The following SLC38A12 variants were observed in gnomAD, a reference collection of about 807,000 sequenced individuals.
SLC38A12 encodes the protein putative sodium-coupled neutral amino acid transporter 12.
chr17:74,812,492 C>G, the SLC38A12 span, among the ~76,000 whole-genome samples: 3 of 152,222 alleles, frequency 2.0e-5, no homozygotes, highest in African/African-American at 7.2e-5. Flanking sequence ...AAGTTCACTT[C>G]CCATTTAGGG....
chr17:74,797,278 T>C, the SLC38A12 span, among the ~76,000 whole-genome samples: 1 of 152,202 alleles, frequency 6.6e-6, no homozygotes, highest in Admixed American at 6.5e-5. Flanking sequence ...TCAATAACTC[T>C]CTGACCGAAC....
At chr17:74,781,401 C>T in the SLC38A12 span, among the ~76,000 whole-genome samples, 1 of 152,090 alleles carries the variant, frequency 6.6e-6, no homozygotes, top group Non-Finnish European at 1.5e-5. Flanking sequence ...TTTCCCATCT[C>T]AGTCTTCCAA....
At chr17:74,814,867 C>G in the SLC38A12 span, among the ~76,000 whole-genome samples, 20 of 152,192 alleles carry the variant, frequency 1.3e-4, no homozygotes, top group African/African-American at 4.8e-4. Flanking sequence ...AAAATCAACC[C>G]AAGAGAAAGC....
chr17:74,800,319 C>A, the SLC38A12 span, among the ~76,000 whole-genome samples: 1 of 152,236 alleles, frequency 6.6e-6, no homozygotes, highest in African/African-American at 2.4e-5. Flanking sequence ...GTCTGCCCAT[C>A]ATTGTCACCG....
the SLC38A12 span, chr17:74,838,817 G>A: frequency 6.6e-7 from 1 of 1,516,652 alleles, no homozygotes; most frequent in Non-Finnish European, 8.8e-7. Flanking sequence ...CGTGCATCCG[G>A]CACGTTTCAC....
the SLC38A12 span, among the ~76,000 whole-genome samples, chr17:74,812,196 C>A: frequency 4.6e-5 from 7 of 151,402 alleles, no homozygotes; most frequent in Non-Finnish European, 1.0e-4. Flanking sequence ...TGTTGAGTGT[C>A]TTCTGTGCAC....
the SLC38A12 span, among the ~76,000 whole-genome samples, chr17:74,825,738 C>T: frequency 6.6e-6 from 1 of 152,358 alleles, no homozygotes; most frequent in Non-Finnish European, 1.5e-5. Context: ...AGTCCCAGAT[C>T]ACTCGTGGTT....
chr17:74,836,935 A>G, the SLC38A12 span: 9 of 1,339,408 alleles, frequency 6.7e-6, no homozygotes, highest in Non-Finnish European at 8.6e-6. This position sits in a 1 kb window ranked among gnomAD's most constrained non-coding sequence, Gnocchi z 4.2. Flanking sequence ...GCTGCTCCCA[A>G]GTTCTAAGAC....
the SLC38A12 span, among the ~76,000 whole-genome samples, chr17:74,811,733 G>C: frequency 2.0e-5 from 3 of 150,958 alleles, no homozygotes; most frequent in African/African-American, 7.3e-5. Context: ...AAAGAAAAAA[G>C]AAAAGAATAG....
chr17:74,789,936 C>T, the SLC38A12 span, among the ~76,000 whole-genome samples: 1 of 138,770 alleles, frequency 7.2e-6, no homozygotes, highest in South Asian at 2.4e-4. Flanking sequence ...TCCTTTCTCT[C>T]TTTCTTTTTT....
chr17:74,832,042 C>A, the SLC38A12 span, among the ~76,000 whole-genome samples: 1 of 151,900 alleles, frequency 6.6e-6, no homozygotes, highest in African/African-American at 2.4e-5. Context: ...CTTTGCTCCT[C>A]CCGCAGCCAG....
At chr17:74,816,077 AT>A in the SLC38A12 span, among the ~76,000 whole-genome samples, 1 of 152,110 alleles carries the variant, frequency 6.6e-6, no homozygotes, top group Non-Finnish European at 1.5e-5. Context: ...TGGGCTTGAG[AT>A]TAGGCACTCT....
chr17:74,777,266 G>A, the SLC38A12 span: 1 of 1,595,806 alleles, frequency 6.3e-7, no homozygotes, highest in Non-Finnish European at 8.6e-7. Context: ...GTTTTAAGGA[G>A]CTGCGGCAGC....
chr17:74,803,724 C>G, the SLC38A12 span, among the ~76,000 whole-genome samples: 1 of 152,162 alleles, frequency 6.6e-6, no homozygotes, highest in South Asian at 2.1e-4. Flanking sequence ...TCATTCCCCT[C>G]GAGAAGCTGA....
the SLC38A12 span, chr17:74,835,979 G>C: frequency 6.2e-7 from 1 of 1,612,058 alleles, no homozygotes; most frequent in East Asian, 2.2e-5. Flanking sequence ...ACGGACAAGG[G>C]GAGGGGCACC....
At chr17:74,808,099 G>T in the SLC38A12 span, among the ~76,000 whole-genome samples, 4 of 152,246 alleles carry the variant, frequency 2.6e-5, no homozygotes, top group African/African-American at 9.6e-5. Flanking sequence ...GCCCACCATC[G>T]GGTACCATCT....
the SLC38A12 span, chr17:74,777,321 A>G: frequency 1.9e-6 from 3 of 1,614,110 alleles, no homozygotes; most frequent in East Asian, 4.5e-5. Flanking sequence ...GCCCTTCCTC[A>G]CTTTTGGAAA....
chr17:74,835,285 A>G, the SLC38A12 span, among the ~76,000 whole-genome samples: 20 of 152,042 alleles, frequency 1.3e-4, no homozygotes, highest in Non-Finnish European at 2.1e-4. Flanking sequence ...CCTTGATGCT[A>G]TTTCTGCCCT....
the SLC38A12 span, among the ~76,000 whole-genome samples, chr17:74,791,610 T>C: frequency 5.9e-5 from 9 of 152,258 alleles, no homozygotes; most frequent in Non-Finnish European, 1.3e-4. Context: ...CTGACAGCGC[T>C]AGAATCTGCT....
Sources: allele counts gnomAD v4.1 joint callset (sites outside exome capture counted in the v4.1 genomes callset), GRCh38; gene constraint gnomAD v4.1.1; non-coding constraint Gnocchi (gnomAD v3.1); transcripts MANE v1.5; gene names NCBI Gene and HGNC (gene_info 2026-07-23, HGNC 2026-07-21).